Variants in NCKIPSD observed in about 807,000 individuals in gnomAD.
The protein encoded by NCKIPSD is NCK interacting protein with SH3 domain.
NCKIPSD carries 48 observed loss-of-function variants against 73.4 expected under a neutral mutation model. That is an observed-to-expected ratio of 0.65 (90% CI 0.52 to 0.83). NCKIPSD has a LOEUF of 0.83. NCKIPSD is among the 40% of genes least tolerant of loss of function. The probability of loss-of-function intolerance (pLI) is 0.00; values close to 1 mark genes in which losing one functional copy is unlikely to be tolerated. For missense variants in NCKIPSD, 884 were observed against 970.2 expected, an observed-to-expected ratio of 0.91 and a Z score of 1.18; for synonymous variants, 422 against 403.6, an observed-to-expected ratio of 1.05 and a Z score of -0.54.
chr3:48,675,826 G>A (rs1224484538), intron 12 of NCKIPSD, among the ~76,000 whole-genome samples: 3 of 152,074 alleles, frequency 2.0e-5, no homozygotes, highest in East Asian at 1.9e-4. Context: ...GATTACAGGC[G>A]TGAACCACCA....
At chr3:48,680,888 C>T (rs1207038739) in intron 5 of NCKIPSD, among the ~76,000 whole-genome samples, 1 of 152,188 alleles carries the variant, frequency 6.6e-6, no homozygotes, top group Non-Finnish European at 1.5e-5. Context: ...GTCAGCAAGG[C>T]ACTACCCTCA....
At chr3:48,681,816 C>A in intron 4 of NCKIPSD, 36 bp from the exon 5 acceptor site, 1 of 1,463,966 alleles carries the variant, frequency 6.8e-7, no homozygotes, top group Non-Finnish European at 9.0e-7. Flanking sequence ...CCAGGGCAGC[C>A]CCCTGGAAAA....
At chr3:48,681,884 T>C in intron 4 of NCKIPSD, 104 bp from the exon 5 acceptor site, 1 of 1,461,576 alleles carries the variant, frequency 6.8e-7, no homozygotes, top group Non-Finnish European at 9.0e-7. Flanking sequence ...GTTTCTCTGC[T>C]AGGCACTGCC....
At chr3:48,677,389 A>G (rs2077271651) in intron 12 of NCKIPSD, among the ~76,000 whole-genome samples, 1 of 151,416 alleles carries the variant, frequency 6.6e-6, no homozygotes, top group Non-Finnish European at 1.5e-5. Context: ...CAAACAAACA[A>G]ACAAACAACA....
intron 5 of NCKIPSD, among the ~76,000 whole-genome samples, chr3:48,680,894 C>T (rs2077340374): frequency 1.3e-5 from 2 of 152,194 alleles, no homozygotes; most frequent in African/African-American, 4.8e-5. Flanking sequence ...AAGGCACTAC[C>T]CTCACCCACG....
At chr3:48,684,019 CAG>C (rs1553631921) in intron 1 of NCKIPSD, among the ~76,000 whole-genome samples, 69 of 141,342 alleles carry the variant, frequency 4.9e-4, no homozygotes, top group Admixed American at 2.1e-3. Context: ...CACACACACA[CAG>C]AGAGAGAGAG....
intron 6 of NCKIPSD, 54 bp downstream of exon 6, chr3:48,680,005 G>C: frequency 6.2e-7 from 1 of 1,602,992 alleles, no homozygotes; most frequent in Non-Finnish European, 8.5e-7. Context: ...GGATGCTACA[G>C]GGTGGGGGCC....
intron 7 of NCKIPSD, 27 bp from the exon 8 acceptor site, chr3:48,679,740 G>A (rs2106749399): frequency 6.2e-7 from 1 of 1,614,164 alleles, no homozygotes. Flanking sequence ...CGTGCTCAGT[G>A]CCTGGAACTC....
chr3:48,679,152 T>C lies in NCKIPSD; in HGVS notation c.1602A>G (p.Leu534=). 1.9e-6 allele frequency: 3 copies of C among 1,614,014 alleles called. No homozygotes were observed. The highest frequency in any genetic ancestry group is 2.5e-6 in the Non-Finnish European group (3 of 1,179,976). Residue 534 remains leucine, a synonymous_variant, in exon 10 of 13, where the codon CTA becomes CTG. Transcript: ENST00000294129. The part of the protein sequence containing the change: ...EHLGTPFAQF[L]LNIVEDGLPL... ...GCAGCCCATCCTCGACGATGTTCAG[T>C]AGGAACTGGGCGAAAGGCGTGCCCA...
chr3:48,682,896 C>A lies in NCKIPSD; in HGVS notation c.281+7G>T. On this transcript the variant is annotated splice_region_variant and intron_variant, in intron 2 of 12. Transcript: ENST00000294129. ...GGAGGTCCCACTTCACTCCCCTCAA[C>A]ACTCACTGGAGGACTCCACGCTGTT... 1 of 1,546,684 alleles carries A rather than the reference C, an allele frequency of 6.5e-7. No homozygotes were observed. The highest frequency in any genetic ancestry group is 1.2e-5 in the South Asian group (1 of 83,932).
In NCKIPSD at chr3:48,682,137, T is replaced by C; in HGVS notation, c.506A>G (p.Gln169Arg). 1.3e-6 allele frequency: 2 copies of C among 1,598,300 alleles called. No individual in the cohort carries two copies. The highest frequency in any genetic ancestry group is 8.5e-7 in the Non-Finnish European group (1 of 1,178,794). The change falls in exon 4 of 13, where the codon CAG (glutamine) becomes CGG (arginine). Residue 169 changes from glutamine to arginine, a missense_variant. Transcript: ENST00000294129. ...TGCTCGGCGAGGCTGTGGTGGGATC[T>C]GGGAAGATGGAAGTGGGATCTGGAA... The part of the protein sequence containing the change: ...GLYQIPLPSS[Q>R]IPPQPRRAAP...
rs1387996257 is a variant in NCKIPSD, at chr3:48,674,451, C to T, written c.*93G>A. ...TCAGGTTCCTTCTGCCACCTTATCC[C>T]CTCCCACTGTCAGTGCAAAACATTC... On this transcript the variant is annotated 3_prime_UTR_variant, in exon 13 of 13. Transcript: ENST00000294129. 4.7e-6 allele frequency: 7 copies of T among 1,498,394 alleles called. No individual in the cohort carries two copies. In the South Asian group the frequency reaches 6.6e-5, roughly 14 times the overall value. 92.8% of individuals were successfully genotyped at this position (1,498,394 alleles called of 1,614,324 possible).
intron 1 of NCKIPSD, among the ~76,000 whole-genome samples, chr3:48,683,358 G>A (rs573002438): frequency 8.2e-4 from 125 of 152,194 alleles, no homozygotes; most frequent in Non-Finnish European, 1.6e-3. Flanking sequence ...CGCATACCTC[G>A]TCTATCCCTG....
chr3:48,681,985 G>A (rs1282684851), intron 4 of NCKIPSD, 60 bp downstream of exon 4: 1 of 1,549,838 alleles, frequency 6.5e-7, no homozygotes, highest in Admixed American at 1.9e-5. Context: ...GACACAGGCA[G>A]CACAACCATT....
At chr3:48,683,979 G>GACACAC (rs545029045) in intron 1 of NCKIPSD, among the ~76,000 whole-genome samples, 1,464 of 131,156 alleles carry the variant, frequency 0.011, 12 homozygotes, top group South Asian at 0.025. Flanking sequence ...AAGACATGAA[G>GACACAC]ACACACACAC....
intron 12 of NCKIPSD, among the ~76,000 whole-genome samples, chr3:48,675,827 T>C (rs1027362608): frequency 6.6e-6 from 1 of 152,068 alleles, no homozygotes; most frequent in Non-Finnish European, 1.5e-5. Flanking sequence ...ATTACAGGCG[T>C]GAACCACCAC....
chr3:48,678,203 C>G (rs1171708337), intron 12 of NCKIPSD, among the ~76,000 whole-genome samples: 1 of 152,202 alleles, frequency 6.6e-6, no homozygotes, highest in East Asian at 1.9e-4. Flanking sequence ...AGGCTGCTTC[C>G]TCCCTGGCTG....
At chr3:48,680,341 T>C in intron 5 of NCKIPSD, 112 bp from the exon 6 acceptor site, 1 of 1,239,890 alleles carries the variant, frequency 8.1e-7, no homozygotes, top group Non-Finnish European at 1.1e-6. Flanking sequence ...TGAACTCAAG[T>C]CCCTCCTGGC....
chr3:48,680,409 C>T (rs567084239), intron 5 of NCKIPSD, among the ~76,000 whole-genome samples, 180 bp from the exon 6 acceptor site: 45 of 152,256 alleles, frequency 3.0e-4, no homozygotes, highest in Admixed American at 1.4e-3. Flanking sequence ...CAGGAGTCAA[C>T]GGGAGACTCA....
Sources: gnomAD v4.1 joint callset for allele counts (sites outside exome capture counted in the v4.1 genomes callset) on GRCh38, gnomAD v4.1.1 for gene constraint, MANE v1.5 for transcripts, NCBI Gene and HGNC (gene_info 2026-07-23, HGNC 2026-07-21) for gene names.